ADNP: variants seen among roughly 807,000 people sequenced by gnomAD.
The protein encoded by ADNP is activity-dependent neuroprotector homeobox protein.
ADNP carries 4 observed loss-of-function variants against 84.9 expected under a neutral mutation model. The observed-to-expected ratio is 0.05, with a 90% CI of 0.02 to 0.11. The LOEUF (loss-of-function observed/expected upper bound fraction) is 0.11. Among genes scored for constraint, ADNP ranks in the 10% least tolerant of loss-of-function variants. The probability of loss-of-function intolerance (pLI) is 1.00; values close to 1 mark genes in which losing one functional copy is unlikely to be tolerated. For synonymous variants in ADNP, 554 were observed against 468.1 expected (o/e 1.18, Z -2.37); for missense variants, 1,132 against 1,326.0 (o/e 0.85, Z 2.27).
At chr20:50,914,220 A>T in intron 2 of ADNP, 1 of 762,906 alleles carries the variant, frequency 1.3e-6, no homozygotes, top group Non-Finnish European at 2.3e-6. Context: ...AAGCATCCAC[A>T]ATCATCCAAG....
intron 5 of ADNP, among the ~76,000 whole-genome samples, chr20:50,901,233 T>A (rs935309290): frequency 2.1e-4 from 31 of 150,222 alleles, no homozygotes; most frequent in African/African-American, 6.6e-4. Context: ...GCTTTCAGAT[T>A]GATAAAACTG....
intron 2 of ADNP, among the ~76,000 whole-genome samples, chr20:50,916,154 G>GA (rs1206356528): frequency 6.6e-6 from 1 of 152,016 alleles, no homozygotes; most frequent in Non-Finnish European, 1.5e-5. Flanking sequence ...TATGCAAGGC[G>GA]AAAGATGGTA....
intron 5 of ADNP, among the ~76,000 whole-genome samples, chr20:50,895,290 T>C (rs1981260327): frequency 6.6e-6 from 1 of 152,244 alleles, no homozygotes. Context: ...GCATAGCTTA[T>C]TGCTCTTAGG....
chr20:50,930,732 C>T (rs961338638), intron 1 of ADNP, 94 bp downstream of exon 1: 2 of 151,824 alleles, frequency 1.3e-5, no homozygotes, highest in Non-Finnish European at 2.9e-5. Context: ...GCGCCCGCGC[C>T]CGGGGCCAGG....
chr20:50,896,943 TTTG>T (rs759154013), intron 5 of ADNP, among the ~76,000 whole-genome samples: 5 of 152,288 alleles, frequency 3.3e-5, no homozygotes, highest in African/African-American at 4.8e-5. Context: ...TTCAAACTTT[TTTG>T]TTGTTGTTTG....
chr20:50,893,924 G>C lies in ADNP; in HGVS notation c.790C>G (p.Arg264Gly). The change falls in exon 6 of 6, where the codon CGA becomes GGA. Residue 264 changes from arginine to glycine, a missense_variant. Coordinates refer to ENST00000621696, the MANE Select transcript of ADNP (RefSeq NM_001282531.3). The surrounding 1 kb of genome is among the most constrained non-coding windows in gnomAD (Gnocchi z 4.4). ...MIGHTNVVVP[R>G]SKPLMLIAPK... Reference sequence around the variant, plus strand: ...GCAATTAGCATCAAGGGTTTGGATCGGGGAACCACTACATTTGTGTGCCCA... The same window carrying C: ...GCAATTAGCATCAAGGGTTTGGATCCGGGAACCACTACATTTGTGTGCCCA... 3 of 1,614,082 alleles carry C rather than the reference G, an allele frequency of 1.9e-6. No homozygotes were observed. The highest frequency in any genetic ancestry group is 2.5e-6 in the Non-Finnish European group (3 of 1,179,956).
intron 2 of ADNP, among the ~76,000 whole-genome samples, chr20:50,911,763 AAAAC>A (rs1264216122): frequency 6.6e-6 from 1 of 152,194 alleles, no homozygotes; most frequent in Non-Finnish European, 1.5e-5. Flanking sequence ...AAAGAAAGAC[AAAAC>A]AAACAAAAAG....
rs150489825 is a variant in ADNP, at chr20:50,890,131, T to TAAAAAAAAAAAA, written c.*1262_*1273dup. The TAAAAAAAAAAAA allele has an allele frequency of 3.7e-5, 3 of 81,108 alleles. No homozygotes were observed. Among genetic ancestry groups the TAAAAAAAAAAAA allele is most frequent in the South Asian group, 6.2e-4 (1 of 1,612 alleles). The allele number at this position is 81,108 out of a possible 1,614,324, so 5.0% of individuals were successfully genotyped here. ...AACTCAAGGGTGTTTGTTTTTCAGT[T>TAAAAAAAAAAAA]AAAAAAAAAAAAAAAAAAAAAAAAA... On this transcript the variant is annotated 3_prime_UTR_variant, in exon 6 of 6. Transcript: ENST00000621696.
intron 2 of ADNP, among the ~76,000 whole-genome samples, chr20:50,917,628 G>A (rs1456548258): frequency 6.6e-6 from 1 of 152,074 alleles, no homozygotes; most frequent in Admixed American, 6.5e-5. Flanking sequence ...TTTTTTCAAA[G>A]GAGGGAGTTG....
chr20:50,895,962 C>T (rs2122775265), intron 5 of ADNP, among the ~76,000 whole-genome samples: 1 of 152,330 alleles, frequency 6.6e-6, no homozygotes, highest in Non-Finnish European at 1.5e-5. Context: ...CAGTGGCTCA[C>T]ACCTGTAATC....
At position 50,894,581 on chromosome 20, in the gene ADNP, C is replaced by T. The variant is rs1400622253; in HGVS notation, c.202-69G>A. The T allele has an allele frequency of 2.7e-6, 4 of 1,482,702 alleles. No individual in the cohort carries two copies. The Admixed American group carries it at 9.3e-5, about 34-fold the overall frequency. 91.8% of individuals were successfully genotyped at this position (1,482,702 alleles called of 1,614,324 possible). ...AGGCAGTTAACAGATTCCAGATCCC[C>T]CCCGGATATTCTTAATAATGCATTG... On this transcript the variant is annotated intron_variant, in intron 5 of 5. Transcript: ENST00000621696.
At position 50,891,167 on chromosome 20, in the gene ADNP, A is replaced by C; in HGVS notation, c.*238T>G. On this transcript the variant is annotated 3_prime_UTR_variant, in exon 6 of 6. Transcript: ENST00000621696. ...CTGCTTTTCCTCGTGTGTATTCATG[A>C]GTCACCAGCTTATTGGTTTTTCACA... is the stretch of plus-strand genomic sequence containing the variant. The C allele has an allele frequency of 7.7e-7, 1 of 1,291,866 alleles. No homozygotes were observed. Among genetic ancestry groups the C allele is most frequent in the Non-Finnish European group, 9.8e-7 (1 of 1,023,320 alleles). 80.0% of individuals were successfully genotyped at this position (1,291,866 alleles called of 1,614,324 possible).
At chr20:50,900,924 C>T (rs1278058710) in intron 5 of ADNP, among the ~76,000 whole-genome samples, 12 of 152,184 alleles carry the variant, frequency 7.9e-5, no homozygotes, top group Admixed American at 7.2e-4. Flanking sequence ...GAAGTAATAG[C>T]TGCTTTGATT....
intron 2 of ADNP, among the ~76,000 whole-genome samples, chr20:50,919,314 T>C (rs1300491043): frequency 6.8e-6 from 1 of 147,772 alleles, no homozygotes; most frequent in Admixed American, 6.7e-5. Context: ...TATATATATA[T>C]ATGTAAAAAG....
chr20:50,899,867 A>AT (rs142777741), intron 5 of ADNP, among the ~76,000 whole-genome samples: 4,548 of 131,254 alleles, frequency 0.035, 169 homozygotes, highest in East Asian at 0.066. Flanking sequence ...CAGCTGTACA[A>AT]TTTTTTTTTT....
chr20:50,918,218 G>A (rs145279551), intron 2 of ADNP, among the ~76,000 whole-genome samples: 172 of 152,234 alleles, frequency 1.1e-3, no homozygotes, highest in African/African-American at 3.9e-3. Context: ...ATTGATTAGG[G>A]AAGGAGACAA....
In ADNP at chr20:50,906,940, T is replaced by A. The variant is rs1600963365; in HGVS notation, c.-89-2091A>T. Among the ~76,000 whole-genome samples the A allele has an allele frequency of 4.6e-5, 7 of 150,728 alleles. 1 individual carries two copies. The highest frequency in any genetic ancestry group is 2.1e-4 in the South Asian group (1 of 4,774). The stretch of plus-strand genomic sequence containing the variant: ...CTTGGCAACTAGGAGAAATCTGTAT[T>A]TTTTTTTTGAGACAGGGTTCCAGTT... On this transcript the variant is annotated intron_variant, in intron 2 of 5. Coordinates refer to ENST00000621696, the MANE Select transcript of ADNP (RefSeq NM_001282531.3).
intron 2 of ADNP, among the ~76,000 whole-genome samples, chr20:50,908,148 T>G (rs1315820487): frequency 6.0e-5 from 2 of 33,538 alleles, no homozygotes; most frequent in Non-Finnish European, 9.9e-5. Flanking sequence ...GATTTTTCTG[T>G]TTTTTTTTTT....
At chr20:50,923,360 T>C (rs1278091978) in intron 2 of ADNP, among the ~76,000 whole-genome samples, 1 of 152,226 alleles carries the variant, frequency 6.6e-6, no homozygotes, top group Non-Finnish European at 1.5e-5. Flanking sequence ...ATATTTAAAC[T>C]ATGTTCTCAA....
Sources: gnomAD v4.1 joint callset for allele counts (sites outside exome capture counted in the v4.1 genomes callset) on GRCh38, gnomAD v4.1.1 for gene constraint, Gnocchi (gnomAD v3.1) non-coding constraint, MANE v1.5 for transcripts, NCBI Gene and HGNC (gene_info 2026-07-23, HGNC 2026-07-21) for gene names.